The following FBN1 variants were observed in gnomAD, a reference collection of about 807,000 sequenced individuals.
FBN1 encodes fibrillin-1.
In FBN1, 29 loss-of-function variants were observed where a neutral mutation model predicts 365.1. The ratio of observed to expected loss-of-function variants is 0.08; its 90% CI spans 0.06 to 0.11. The LOEUF (loss-of-function observed/expected upper bound fraction) is 0.11, where lower values mean the gene tolerates loss of function less well. FBN1 is among the 10% of genes least tolerant of loss of function. The probability of loss-of-function intolerance (pLI) is 1.00; values close to 1 mark genes in which losing one functional copy is unlikely to be tolerated. For synonymous variants in FBN1, 1,210 were observed against 1,270.5 expected (o/e 0.95, Z 1.01); for missense variants, 2,476 against 3,703.2 (o/e 0.67, Z 8.60).
chr15:48,514,150 C>G (rs999289936), intron 12 of FBN1, among the ~76,000 whole-genome samples: 9 of 152,218 alleles, frequency 5.9e-5, no homozygotes, highest in African/African-American at 2.2e-4. Context: ...ACCACAGAGT[C>G]TCCCCCATCC....
At position 48,520,740 on chromosome 15, in the gene FBN1, T is replaced by C; in HGVS notation, c.1066A>G (p.Met356Val). 6.2e-7 allele frequency: 1 copy of C among 1,614,136 alleles called. No individual in the cohort carries two copies. Among genetic ancestry groups the C allele is most frequent in the Non-Finnish European group, 8.5e-7 (1 of 1,180,022 alleles). The change falls in exon 10 of 66, where the codon ATG (methionine) becomes GTG (valine). Residue 356 changes from methionine to valine, a missense_variant. Transcript: ENST00000316623. ...SNQLPQSITK[M>V]QCCCDAGRCW... ...CGGCCGGCATCACAGCAGCACTGCA[T>C]TTTGGTTATGGACTGTGGCAGCTGG...
chr15:48,423,718 G>A (rs1280073677), intron 60 of FBN1, among the ~76,000 whole-genome samples: 3 of 152,026 alleles, frequency 2.0e-5, no homozygotes, highest in Admixed American at 6.5e-5. Flanking sequence ...CTGCTCCCAC[G>A]GCCACCCTTC....
chr15:48,412,470 A>G, intron 65 of FBN1, 99 bp downstream of exon 65: 1 of 1,237,290 alleles, frequency 8.1e-7, no homozygotes, highest in Non-Finnish European at 1.2e-6. Flanking sequence ...CTCCCTGGGG[A>G]GCTTTTTCAC....
intron 7 of FBN1, 150 bp downstream of exon 7, chr15:48,537,461 C>A: frequency 1.1e-6 from 1 of 893,914 alleles, no homozygotes; most frequent in South Asian, 1.5e-5. Flanking sequence ...GAGCCACGTT[C>A]CTAATGCCTT....
In FBN1 at chr15:48,413,645, T is replaced by C. The variant is rs1336562435; in HGVS notation, c.8052-902A>G. The stretch of plus-strand genomic sequence containing the variant: ...AACATTTGAATGGTCCTTAAAAGAA[T>C]CTTTATTTGGGGGCAGAGTCCATTC... On this transcript the variant is annotated intron_variant, in intron 64 of 65. Coordinates refer to ENST00000316623, the MANE Select transcript of FBN1 (RefSeq NM_000138.5). Among the ~76,000 whole-genome samples the C allele has an allele frequency of 2.6e-5, 4 of 152,210 alleles. No individual in the cohort carries two copies. The East Asian group carries it at 7.7e-4, about 29-fold the overall frequency.
chr15:48,578,505 T>G (rs2044366096), intron 6 of FBN1, among the ~76,000 whole-genome samples: 1 of 152,148 alleles, frequency 6.6e-6, no homozygotes, highest in African/African-American at 2.4e-5. Flanking sequence ...GAAATGCATC[T>G]CCAAGTCTTT....
rs7179005 is a variant in FBN1, at chr15:48,584,849, T to C, written c.538+11434A>G. Among the ~76,000 whole-genome samples, 1,077 of 152,370 alleles carry C rather than the reference T, an allele frequency of 7.1e-3. 17 individuals are homozygous for C. Among genetic ancestry groups the C allele is most frequent in the African/African-American group, 0.025 (1,032 of 41,586 alleles). ...CAAAGCCAGTTTTATATCATTAAGA[T>C]ACTGTGGATGCTTCTGCTTTTATCT... On this transcript the variant is annotated intron_variant, in intron 6 of 65. Transcript: ENST00000316623.
intron 45 of FBN1, among the ~76,000 whole-genome samples, chr15:48,451,073 C>T (rs2043197801): frequency 6.6e-6 from 1 of 152,170 alleles, no homozygotes; most frequent in Non-Finnish European, 1.5e-5. Flanking sequence ...TTATGGCTGG[C>T]TGCATTTTAT....
chr15:48,572,320 T>C (rs775674038), intron 6 of FBN1, among the ~76,000 whole-genome samples: 32 of 124,218 alleles, frequency 2.6e-4, no homozygotes, highest in Non-Finnish European at 4.6e-4. Context: ...ATGTGCTTTC[T>C]GTAAAAAGAA....
intron 58 of FBN1, among the ~76,000 whole-genome samples, chr15:48,426,983 T>C (rs563368968): frequency 1.3e-5 from 2 of 152,320 alleles, no homozygotes; most frequent in African/African-American, 4.8e-5. Context: ...TTCTCAGTCC[T>C]TTTATGAACT....
At chr15:48,487,580 C>A in intron 27 of FBN1, 143 bp from the exon 28 acceptor site, 1 of 1,192,904 alleles carries the variant, frequency 8.4e-7, no homozygotes, top group South Asian at 1.2e-5. Context: ...ATTCATACAC[C>A]AGATCTCCCT....
At position 48,561,964 on chromosome 15, in the gene FBN1, G is replaced by A. The variant is rs534062323; in HGVS notation, c.539-24156C>T. ...GAACCACTGAGGAACTTATTGAAAC[G>A]CAAATCCCTGGACTGAACCCTCAAT... On this transcript the variant is annotated intron_variant, in intron 6 of 65. Transcript: ENST00000316623. 8.5e-5 allele frequency among the ~76,000 whole-genome samples: 13 copies of A among 152,246 alleles called. No homozygotes were observed. The East Asian group carries it at 1.7e-3, about 20-fold the overall frequency.
rs528870539 is a variant in FBN1 at position 48,532,506 on chromosome 15, A to ATGTGTGTGTGTGTGTG, written c.862+1558_862+1573dup. On this transcript the variant is annotated intron_variant, in intron 8 of 65. Coordinates refer to ENST00000316623, the MANE Select transcript of FBN1 (RefSeq NM_000138.5). ...TGTGTGTGTGTATATATATATGTGT[A>ATGTGTGTGTGTGTGTG]TGTGTGTGTGTGTGTGTATATGGCC... is the stretch of plus-strand genomic sequence containing the variant. Among the ~76,000 whole-genome samples the ATGTGTGTGTGTGTGTG allele has an allele frequency of 0.019, 2,799 of 149,688 alleles. 158 individuals carry two copies. The East Asian group carries it at 0.21, about 11-fold the overall frequency.
intron 50 of FBN1, among the ~76,000 whole-genome samples, chr15:48,440,899 T>TAAAA (rs146628631): frequency 2.2e-5 from 3 of 133,848 alleles, no homozygotes; most frequent in East Asian, 2.4e-4. Flanking sequence ...CAAAAAACCA[T>TAAAA]GAAAAAAAAA....
chr15:48,562,078 C>T (rs962628704), intron 6 of FBN1, among the ~76,000 whole-genome samples: 10 of 152,148 alleles, frequency 6.6e-5, no homozygotes, highest in African/African-American at 2.4e-4. Context: ...ACATTTTGGG[C>T]AACACTGGAC....
intron 2 of FBN1, among the ~76,000 whole-genome samples, chr15:48,629,582 A>T (rs997513113): frequency 3.3e-5 from 5 of 152,334 alleles, no homozygotes; most frequent in Non-Finnish European, 5.9e-5. Context: ...AAGGGCCCTT[A>T]TCTTTTAGGA....
At chr15:48,608,231 C>A (rs551426641) in intron 4 of FBN1, among the ~76,000 whole-genome samples, 5 of 152,286 alleles carry the variant, frequency 3.3e-5, no homozygotes, top group African/African-American at 1.2e-4. Flanking sequence ...AGTGGGAAAA[C>A]TAAGCCTCTC....
chr15:48,450,788 G>C (rs975159050), intron 45 of FBN1, among the ~76,000 whole-genome samples: 1 of 152,030 alleles, frequency 6.6e-6, no homozygotes, highest in African/African-American at 2.4e-5. Flanking sequence ...TTCAAATAAG[G>C]ATCTCATGAT....
Position 48,460,337 on chromosome 15 carries a change from G to A in FBN1, c.5225-20C>T. ...ACTCATCTGCAATGATTAAACAAAG[G>A]TGGGATGGGAGGATAGGGGTCAGCA... On this transcript the variant is annotated intron_variant, in intron 42 of 65. Transcript: ENST00000316623. 2 of 1,556,498 alleles carry A rather than the reference G, an allele frequency of 1.3e-6. No individual in the cohort carries two copies. Among genetic ancestry groups the A allele is most frequent in the Non-Finnish European group, 1.8e-6 (2 of 1,127,796 alleles).
Sources: allele counts gnomAD v4.1 joint callset (sites outside exome capture counted in the v4.1 genomes callset), GRCh38; gene constraint gnomAD v4.1.1; transcripts MANE v1.5; gene names NCBI Gene and HGNC (gene_info 2026-07-23, HGNC 2026-07-21).